SNTG1: variants seen among roughly 807,000 people sequenced by gnomAD.
SNTG1 encodes the protein gamma-1-syntrophin.
SNTG1 carries 39 observed loss-of-function variants against 74.7 expected under a neutral mutation model. The ratio of observed to expected loss-of-function variants is 0.52; its 90% CI spans 0.40 to 0.68. The LOEUF (loss-of-function observed/expected upper bound fraction) is 0.68, where lower values mean the gene tolerates loss of function less well. SNTG1 is among the 30% of genes least tolerant of loss of function. The pLI, the probability that SNTG1 is intolerant of heterozygous loss-of-function variation, is 0.00. For synonymous variants in SNTG1, 254 were observed against 217.1 expected (o/e 1.17, Z -1.49); for missense variants, 685 against 609.5 (o/e 1.12, Z -1.30).
intron 2 of SNTG1, among the ~76,000 whole-genome samples, chr8:50,304,642 TA>T (rs1329928854): frequency 2.0e-5 from 3 of 151,974 alleles, no homozygotes; most frequent in African/African-American, 7.3e-5. Context: ...AAAAAGTATT[TA>T]AAAAAAACTA....
chr8:49,955,060 C>T (rs561647925), intron 1 of SNTG1, among the ~76,000 whole-genome samples: 70 of 152,168 alleles, frequency 4.6e-4, no homozygotes, highest in African/African-American at 1.6e-3. Context: ...TATTAGGTAT[C>T]TTTAGTGTTA....
chr8:49,958,551 G>T (rs1409364119), intron 1 of SNTG1, among the ~76,000 whole-genome samples: 1 of 151,830 alleles, frequency 6.6e-6, no homozygotes, highest in Non-Finnish European at 1.5e-5. Flanking sequence ...CTCCCAAGTA[G>T]CTGGGACTAC....
chr8:49,929,764 G>C (rs1051730654), intron 1 of SNTG1, among the ~76,000 whole-genome samples: 3 of 151,384 alleles, frequency 2.0e-5, no homozygotes, highest in Admixed American at 2.0e-4. Context: ...TGTGCACATT[G>C]TGCAGGTTAG....
intron 2 of SNTG1, among the ~76,000 whole-genome samples, chr8:50,197,020 G>A (rs965261061): frequency 8.6e-5 from 13 of 152,032 alleles, no homozygotes; most frequent in African/African-American, 2.9e-4. Context: ...GTAGCATACA[G>A]AGAGAGAAAG....
At position 50,033,119 on chromosome 8, in the gene SNTG1, G is replaced by GTT. The variant is rs369907743; in HGVS notation, c.-103+120900_-103+120901dup. On this transcript the variant is annotated intron_variant, in intron 1 of 18. Transcript: ENST00000642720. The stretch of plus-strand genomic sequence containing the variant: ...GCTAAGGAACTATGCAATAAAAAGT[G>GTT]TTTTTTTTTTTTTGAGACGGAGTTT... Among the ~76,000 whole-genome samples the GTT allele has an allele frequency of 9.2e-3, 1,303 of 141,488 alleles. 22 individuals are homozygous for GTT. Among genetic ancestry groups the GTT allele is most frequent in the African/African-American group, 0.032 (1,245 of 38,854 alleles). The allele number at this position is 141,488 out of a possible 152,430, so 92.8% of individuals were successfully genotyped here. A position where few individuals can be genotyped will look rare whatever the true frequency, so the allele number is the denominator to read the frequency against.
chr8:50,294,430 G>T (rs2089269620), intron 2 of SNTG1, among the ~76,000 whole-genome samples: 2 of 152,136 alleles, frequency 1.3e-5, no homozygotes, highest in South Asian at 2.1e-4. Context: ...TTAAGGAATT[G>T]GTTCATATAA....
intron 17 of SNTG1, among the ~76,000 whole-genome samples, chr8:50,709,513 TTCCCAA>T: frequency 6.6e-6 from 1 of 152,186 alleles, no homozygotes; most frequent in Non-Finnish European, 1.5e-5. Flanking sequence ...AGGTGCTCTT[TTCCCAA>T]AGTGTACATC....
At chr8:49,970,325 T>C (rs1240828369) in intron 1 of SNTG1, among the ~76,000 whole-genome samples, 5 of 152,294 alleles carry the variant, frequency 3.3e-5, no homozygotes, top group Non-Finnish European at 5.9e-5. Flanking sequence ...CTGAAATATG[T>C]TGCTTTGTTT....
chr8:50,550,540 C>T (rs954496113), intron 11 of SNTG1, among the ~76,000 whole-genome samples: 2 of 152,122 alleles, frequency 1.3e-5, no homozygotes, highest in Non-Finnish European at 2.9e-5. Context: ...AATAAACCTA[C>T]TTTGAGATTG....
intron 2 of SNTG1, among the ~76,000 whole-genome samples, chr8:50,240,924 AT>A (rs1223156947): frequency 5.3e-5 from 8 of 151,928 alleles, no homozygotes; most frequent in East Asian, 3.9e-4. Flanking sequence ...ATTTTTCTGG[AT>A]TTTTTTTCCC....
chr8:50,589,212 G>A (rs1286397559), intron 12 of SNTG1, among the ~76,000 whole-genome samples: 1 of 152,136 alleles, frequency 6.6e-6, no homozygotes, highest in Non-Finnish European at 1.5e-5. Flanking sequence ...TCACATATCA[G>A]TTAATAAGTT....
At chr8:50,047,362 C>A (rs1436725043) in intron 1 of SNTG1, among the ~76,000 whole-genome samples, 3 of 151,958 alleles carry the variant, frequency 2.0e-5, no homozygotes, top group Non-Finnish European at 4.4e-5. Context: ...GTTCAACATA[C>A]AATCAATCAT....
rs552719526 is a variant in SNTG1, at chr8:50,162,335, G to A, written c.-102-10226G>A. The stretch of plus-strand genomic sequence containing the variant: ...CCCAGCACTTTGGGAGGTCGAGGCG[G>A]GCGTATCACGAGGTCAGGAGATGGA... On this transcript the variant is annotated intron_variant, in intron 1 of 18. Transcript: ENST00000642720. Among the ~76,000 whole-genome samples, 9 of 152,118 alleles carry A rather than the reference G, an allele frequency of 5.9e-5. No individual in the cohort carries two copies. In the South Asian group the frequency reaches 1.7e-3, roughly 28 times the overall value.
chr8:50,164,552 A>G (rs2082545775), intron 1 of SNTG1: 3 of 152,206 alleles, frequency 2.0e-5, no homozygotes, highest in African/African-American at 7.2e-5. Flanking sequence ...TTAAATTACT[A>G]GGGGATATTT....
intron 8 of SNTG1, chr8:50,491,305 TGGGA>T (rs1167384546): frequency 6.6e-6 from 1 of 152,262 alleles, no homozygotes; most frequent in Non-Finnish European, 1.5e-5. Context: ...CCTAGGCCTC[TGGGA>T]GTTTGCGACA....
intron 2 of SNTG1, among the ~76,000 whole-genome samples, chr8:50,328,197 G>A (rs964159839): frequency 7.9e-5 from 12 of 151,986 alleles, no homozygotes; most frequent in Admixed American, 5.9e-4. Context: ...ACTTCTTTTA[G>A]CATATTTTGC....
At chr8:50,742,590 A>G (rs1303785916) in intron 17 of SNTG1, among the ~76,000 whole-genome samples, 1 of 151,836 alleles carries the variant, frequency 6.6e-6, no homozygotes, top group East Asian at 1.9e-4. Flanking sequence ...AAAATAAGAA[A>G]CATCACAAAT....
intron 17 of SNTG1, among the ~76,000 whole-genome samples, chr8:50,718,808 A>G (rs990059113): frequency 6.6e-6 from 1 of 152,230 alleles, no homozygotes. Flanking sequence ...TGTGGCCTCA[A>G]AAATAAAACT....
intron 1 of SNTG1, among the ~76,000 whole-genome samples, chr8:49,933,648 A>T (rs2129360533): frequency 6.6e-6 from 1 of 152,344 alleles, no homozygotes; most frequent in East Asian, 1.9e-4. Flanking sequence ...ATTGGAAATC[A>T]ATTTGCTATA....
Sources: gnomAD v4.1 joint callset for allele counts (sites outside exome capture counted in the v4.1 genomes callset) on GRCh38, gnomAD v4.1.1 for gene constraint, MANE v1.5 for transcripts, NCBI Gene and HGNC (gene_info 2026-07-23, HGNC 2026-07-21) for gene names.